The following TAB2 variants were observed in gnomAD, a reference collection of about 807,000 sequenced individuals.
TAB2 encodes the protein TGF-beta activated kinase 1 (MAP3K7) binding protein 2.
In TAB2, 3 loss-of-function variants were observed where a neutral mutation model predicts 65.0. The observed-to-expected ratio is 0.05, with a 90% CI of 0.02 to 0.12. TAB2 has a LOEUF of 0.12. TAB2 is among the 10% of genes least tolerant of loss of function. The probability of loss-of-function intolerance (pLI) is 1.00; values close to 1 mark genes in which losing one functional copy is unlikely to be tolerated. For missense variants in TAB2, 623 were observed against 840.3 expected (o/e 0.74, Z 3.20); for synonymous variants, 298 against 285.1 (o/e 1.05, Z -0.46).
intron 1 of TAB2, among the ~76,000 whole-genome samples, chr6:149,227,949 C>A (rs898550201): frequency 6.6e-6 from 1 of 152,004 alleles, no homozygotes; most frequent in Non-Finnish European, 1.5e-5. Context: ...AAGAAGCCAG[C>A]GTAGCCACAG....
chr6:149,310,158 A>AC, intron 1 of TAB2, among the ~76,000 whole-genome samples: 1 of 151,428 alleles, frequency 6.6e-6, no homozygotes, highest in East Asian at 1.9e-4. Context: ...ATATGGTGAA[A>AC]CCCCATCTCT....
chr6:149,327,480 T>G (rs1442627038), intron 1 of TAB2, among the ~76,000 whole-genome samples: 6 of 152,208 alleles, frequency 3.9e-5, no homozygotes, highest in African/African-American at 1.2e-4. Context: ...TGGTTAATTT[T>G]TAAAAGGCAA....
intron 1 of TAB2, chr6:149,218,854 T>C: frequency 2.2e-6 from 1 of 447,496 alleles, no homozygotes; most frequent in Non-Finnish European, 4.5e-6. Context: ...TGAACTTCTG[T>C]AGAAATGCCT....
upstream of TAB2, among the ~76,000 whole-genome samples, chr6:149,314,982 A>G (rs1297370347): frequency 6.6e-6 from 1 of 152,118 alleles, no homozygotes; most frequent in African/African-American, 2.4e-5. Context: ...TACTGAATCA[A>G]TAAATACAGA....
intron 1 of TAB2, among the ~76,000 whole-genome samples, chr6:149,335,482 C>T (rs1779907047): frequency 6.6e-6 from 1 of 152,040 alleles, no homozygotes; most frequent in South Asian, 2.1e-4. Flanking sequence ...AACCTCCCAC[C>T]TTAGCCTCCC....
At chr6:149,257,878 G>A (rs772899049) in intron 1 of TAB2, among the ~76,000 whole-genome samples, 7 of 152,078 alleles carry the variant, frequency 4.6e-5, no homozygotes, top group Non-Finnish European at 7.4e-5. Flanking sequence ...CCATCCAAGC[G>A]GACAGATCAA....
chr6:149,279,107 G>A (rs945749196), intron 1 of TAB2, among the ~76,000 whole-genome samples: 3 of 151,944 alleles, frequency 2.0e-5, no homozygotes, highest in African/African-American at 7.3e-5. Flanking sequence ...CTGAAATCTG[G>A]CTCCTGCCCA....
intron 1 of TAB2, among the ~76,000 whole-genome samples, chr6:149,338,146 A>G (rs1455569624): frequency 2.0e-5 from 3 of 152,204 alleles, no homozygotes; most frequent in Non-Finnish European, 2.9e-5. Flanking sequence ...GCAAGGTCTG[A>G]GGTATCATCC....
intron 1 of TAB2, among the ~76,000 whole-genome samples, chr6:149,348,125 G>A (rs1780363238): frequency 6.6e-6 from 1 of 152,164 alleles, no homozygotes; most frequent in African/African-American, 2.4e-5. Context: ...AGGCACAGTG[G>A]CTCACACCTG....
chr6:149,275,162 A>G lies in TAB2; in HGVS notation c.-121+56386A>G, dbSNP rs7738853. On this transcript the variant is annotated intron_variant, in intron 1 of 1. Transcript: ENST00000606202. ...TTTTTTTGAGTTGGAGTCTTGCTCT[A>G]TTGCCCAGACTAGAGTGCAGTGGTG... Among the ~76,000 whole-genome samples the G allele has an allele frequency of 6.4e-3, 575 of 89,550 alleles. 13 individuals are homozygous for G. The highest frequency in any genetic ancestry group is 0.026 in the African/African-American group (547 of 21,186). 58.7% of individuals were successfully genotyped at this position (89,550 alleles called of 152,430 possible).
chr6:149,253,987 A>AAAGAAAGG (rs1170824381), intron 1 of TAB2, among the ~76,000 whole-genome samples: 1 of 147,866 alleles, frequency 6.8e-6, no homozygotes, highest in Non-Finnish European at 1.5e-5. Context: ...AGAAAGAAAG[A>AAAGAAAGG]AAGAAAGAAA....
chr6:149,242,498 T>C (rs1452462790), intron 1 of TAB2, among the ~76,000 whole-genome samples: 2 of 152,150 alleles, frequency 1.3e-5, no homozygotes, highest in African/African-American at 4.8e-5. Flanking sequence ...AGGAAATAAA[T>C]TTCTCCCAAT....
At position 149,411,295 on chromosome 6, in the gene TAB2, C is replaced by G. The variant is rs773372822; in HGVS notation, c.*1576C>G. The G allele has an allele frequency of 1.0e-4, 16 of 152,416 alleles. No homozygotes were observed. Among genetic ancestry groups the G allele is most frequent in the Non-Finnish European group, 1.9e-4 (13 of 68,022 alleles). The allele number at this position is 152,416 out of a possible 1,614,324, so 9.4% of individuals were successfully genotyped here. A position where few individuals can be genotyped will look rare whatever the true frequency, so the allele number is the denominator to read the frequency against. ...GGCTGTGTTTTAAATGGGATTATTA[C>G]AGTTGATCTCTATGAATGTCAGAGC... On this transcript the variant is annotated 3_prime_UTR_variant, in exon 7 of 7. Transcript: ENST00000637181.
In TAB2 at chr6:149,376,291, T is replaced by G. The variant is rs184882479; in HGVS notation, c.103-1727T>G. Among the ~76,000 whole-genome samples, 11 of 152,360 alleles carry G rather than the reference T, an allele frequency of 7.2e-5. No individual in the cohort carries two copies. In the East Asian group the frequency reaches 1.9e-3, roughly 27 times the overall value. On this transcript the variant is annotated intron_variant, in intron 2 of 6. Coordinates refer to ENST00000637181, the MANE Select transcript of TAB2 (RefSeq NM_001292034.3). ...CCCTGAATACCCTTTGTGTCTTTACTTCTCTGTTCATCCACTTTCAGTAGC... is the reference window on the plus strand; with the variant it reads ...CCCTGAATACCCTTTGTGTCTTTACGTCTCTGTTCATCCACTTTCAGTAGC...
intron 1 of TAB2, among the ~76,000 whole-genome samples, chr6:149,236,471 C>T (rs1166068958): frequency 1.3e-5 from 2 of 152,218 alleles, no homozygotes; most frequent in Non-Finnish European, 2.9e-5. Flanking sequence ...TTTTACCATT[C>T]CTTATTCCCC....
At chr6:149,259,332 T>A (rs1778104071) in intron 1 of TAB2, among the ~76,000 whole-genome samples, 1 of 105,522 alleles carries the variant, frequency 9.5e-6, no homozygotes, top group Non-Finnish European at 1.8e-5. Flanking sequence ...GCACGCTCCC[T>A]CTACACACAC....
Position 149,378,404 on chromosome 6 carries a change from A to G in TAB2, c.489A>G (p.Gly163=), listed in dbSNP as rs1320772724. ...TTGGATTTCACTTAGGCAGCAAAGG[A>G]ACATCTAGCCTTTCTCAACAAACTC... ...PHLGFHLGSK[G]TSSLSQQTPR... is the part of the protein sequence containing the mutation. Residue 163 remains glycine, a synonymous_variant, in exon 3 of 7, where the codon GGA becomes GGG. Coordinates refer to ENST00000637181, the MANE Select transcript of TAB2 (RefSeq NM_001292034.3). 6.2e-7 allele frequency: 1 copy of G among 1,614,196 alleles called. No individual in the cohort carries two copies. Among genetic ancestry groups the G allele is most frequent in the South Asian group, 1.1e-5 (1 of 91,086 alleles).
In TAB2 at chr6:149,403,339, TACACACACACACAC is replaced by T. The variant is rs71010866; in HGVS notation, c.1939+4177_1939+4190del. Among the ~76,000 whole-genome samples, 171 of 105,714 alleles carry T rather than the reference TACACACACACACAC, an allele frequency of 1.6e-3. 1 individual carries two copies. The highest frequency in any genetic ancestry group is 5.1e-3 in the African/African-American group (131 of 25,806). The allele number at this position is 105,714 out of a possible 152,430, so 69.4% of individuals were successfully genotyped here. A position where few individuals can be genotyped will look rare whatever the true frequency, so the allele number is the denominator to read the frequency against. On this transcript the variant is annotated intron_variant, in intron 6 of 6. Transcript: ENST00000637181. Reference sequence around the variant, plus strand: ...ACACACACATATATATACATATATATACACACACACACACACACACACACACACACACACATACA... The same window carrying T: ...ACACACACATATATATACATATATATACACACACACACACACACACATACA...
Position 149,377,280 on chromosome 6 carries a change from C to CG in TAB2, c.103-737dup, listed in dbSNP as rs1562441649. ...TAGAGACGGGATTTCACCGTGGTCTCGATCTCCTGACCTCGTGATCCACCC... is the reference window on the plus strand; with the variant it reads ...TAGAGACGGGATTTCACCGTGGTCTCGGATCTCCTGACCTCGTGATCCACCC... On this transcript the variant is annotated intron_variant, in intron 2 of 6. Transcript: ENST00000637181. Among the ~76,000 whole-genome samples the CG allele has an allele frequency of 2.0e-5, 3 of 151,604 alleles. No individual in the cohort carries two copies. In the East Asian group the frequency reaches 5.9e-4, roughly 30 times the overall value.
Sources: gnomAD v4.1 joint callset for allele counts (sites outside exome capture counted in the v4.1 genomes callset) on GRCh38, gnomAD v4.1.1 for gene constraint, MANE v1.5 for transcripts, NCBI Gene and HGNC (gene_info 2026-07-23, HGNC 2026-07-21) for gene names.